RP1L1: variants seen among roughly 807,000 people sequenced by gnomAD.
RP1L1 encodes RP1 like 1.
Under a neutral mutation model 15.7 loss-of-function variants are expected in RP1L1, and 27 were observed. The ratio of observed to expected loss-of-function variants is 1.72; its 90% CI spans 1.27 to 2.38. The LOEUF (loss-of-function observed/expected upper bound fraction) is 2.38. Among genes scored for constraint, RP1L1 ranks in the 30% most tolerant of loss-of-function variants. The pLI, the probability that RP1L1 is intolerant of heterozygous loss-of-function variation, is 0.00. For missense variants in RP1L1, 4,798 were observed against 3,075.9 expected (o/e 1.56, Z -13.24); for synonymous variants, 1,813 against 1,276.7 (o/e 1.42, Z -8.96).
chr8:10,613,535 G>A (rs963986032), intron 3 of RP1L1, among the ~76,000 whole-genome samples, 189 bp from the exon 4 acceptor site: 13 of 150,254 alleles, frequency 8.7e-5, no homozygotes, highest in East Asian at 2.0e-4. Context: ...AGGCCGAGGC[G>A]GGAGGACTGC....
chr8:10,628,129 C>A (rs1049497902), intron 1 of RP1L1, among the ~76,000 whole-genome samples: 3 of 152,194 alleles, frequency 2.0e-5, no homozygotes, highest in Non-Finnish European at 4.4e-5. Context: ...CTGCCAGTAA[C>A]AAGCTGATGG....
chr8:10,607,402 C>T lies in RP1L1; in HGVS notation c.6696G>A (p.Glu2232=). 1 of 1,592,830 alleles carries T rather than the reference C, an allele frequency of 6.3e-7. No individual in the cohort carries two copies. Among genetic ancestry groups the T allele is most frequent in the Non-Finnish European group, 8.6e-7 (1 of 1,167,016 alleles). The change falls in exon 4 of 4, where the codon GAG becomes GAA. Residue 2232 remains glutamate (E), a synonymous_variant. Coordinates refer to ENST00000382483, the MANE Select transcript of RP1L1 (RefSeq NM_178857.6). ...ACTCTGGCTGGGCCTCCCCTTCAGCCTCCGGGGTCTCTACGCCTTCTGGCT... is the reference window on the plus strand; with the variant it reads ...ACTCTGGCTGGGCCTCCCCTTCAGCTTCCGGGGTCTCTACGCCTTCTGGCT... ...QPEPEGVETP[E]AEGEAQPESE...
chr8:10,626,852 T>C (rs757305406), intron 1 of RP1L1, among the ~76,000 whole-genome samples: 1 of 152,170 alleles, frequency 6.6e-6, no homozygotes, highest in Non-Finnish European at 1.5e-5. Context: ...TTCTGGGTGC[T>C]GAGAGCGGCA....
chr8:10,630,630 G>C (rs777202665), intron 1 of RP1L1, among the ~76,000 whole-genome samples: 6 of 152,348 alleles, frequency 3.9e-5, no homozygotes, highest in South Asian at 4.1e-4. Flanking sequence ...GCAGCCTCCT[G>C]CCTGGGCTCT....
At position 10,622,582 on chromosome 8, in the gene RP1L1, C is replaced by T. The variant is rs746241889; in HGVS notation, c.609+11G>A. 4 of 1,614,128 alleles carry T rather than the reference C, an allele frequency of 2.5e-6. No individual in the cohort carries two copies. The highest frequency in any genetic ancestry group is 1.1e-5 in the South Asian group (1 of 91,040). On this transcript the variant is annotated intron_variant, in intron 2 of 3. Coordinates refer to ENST00000382483, the MANE Select transcript of RP1L1 (RefSeq NM_178857.6). ...ACCTTTTCAAGGAACCGTCAGACCC[C>T]AACAGCCTACCTTTTTCCCGCTGGT...
intron 1 of RP1L1, among the ~76,000 whole-genome samples, chr8:10,639,964 A>G (rs1798384036): frequency 1.3e-5 from 2 of 152,340 alleles, no homozygotes; most frequent in South Asian, 4.1e-4. Context: ...TTAATACGAT[A>G]TATGCAATCT....
Position 10,611,469 on chromosome 8 carries a change from G to T in RP1L1, c.2629C>A (p.His877Asn). 1 of 1,569,280 alleles carries T rather than the reference G, an allele frequency of 6.4e-7. No homozygotes were observed. The highest frequency in any genetic ancestry group is 1.1e-5 in the South Asian group (1 of 86,970). Residue 877 changes from histidine (H) to asparagine (N), a missense_variant, in exon 4 of 4, where the codon CAC (histidine) becomes AAC (asparagine). Physicochemically the swap from His to Asn is moderately conservative, Grantham distance 68. Transcript: ENST00000382483. ...CCTGGCCCCCGGGCAGTGCTTTGGT[G>T]GCTGCTGCCGGTGCTCCCACAGCTG... ...SSSCGSTGSS[H>N]QSTARGPGGS...
At chr8:10,617,546 CTTTTTTTTTTTTT>C (rs777209714) in intron 2 of RP1L1, among the ~76,000 whole-genome samples, 1 of 63,418 alleles carries the variant, frequency 1.6e-5, no homozygotes, top group Non-Finnish European at 2.7e-5. Context: ...GTTTCTTTTT[CTTTTTTTTTTTTT>C]TTTTTTTTTT....
chr8:10,607,263 G>C lies in RP1L1; in HGVS notation c.6835C>G (p.Pro2279Ala), dbSNP rs1299299393. ...GTGTCTCCACCTGGGGAAGGGGGTG[G>C]AGTGGGCCTGTCCTCAGGGACTGGG... ...SSPVPEDRPT[P>A]PPSPGGDTPH... Residue 2279 changes from proline (P) to alanine (A), a missense_variant, in exon 4 of 4, where the codon CCA becomes GCA. Coordinates refer to ENST00000382483, the MANE Select transcript of RP1L1 (RefSeq NM_178857.6). The C allele has an allele frequency of 1.9e-6, 3 of 1,614,174 alleles. No individual in the cohort carries two copies. The highest frequency in any genetic ancestry group is 2.5e-6 in the Non-Finnish European group (3 of 1,179,984).
intron 1 of RP1L1, among the ~76,000 whole-genome samples, chr8:10,624,005 C>G (rs1210750893): frequency 6.6e-6 from 1 of 152,122 alleles, no homozygotes; most frequent in African/African-American, 2.4e-5. Flanking sequence ...TCACCATGTC[C>G]CCAGCACCTC....
Position 10,608,535 on chromosome 8 carries a change from C to G in RP1L1, c.5563G>C (p.Glu1855Gln). Residue 1855 changes from glutamate (E) to glutamine (Q), a missense_variant, in exon 4 of 4, where the codon GAG becomes CAG. By Grantham distance (29) the Glu-to-Gln change is conservative. Coordinates refer to ENST00000382483, the MANE Select transcript of RP1L1 (RefSeq NM_178857.6). ...GCCTCCTGGGCATCCCCTTCTGCCT[C>G]TGGGGCCTCTACACCTTCTGACTCT... ...QPESEGVEAP[E>Q]AEGDAQEAEG... The G allele has an allele frequency of 6.2e-7, 1 of 1,601,280 alleles. No homozygotes were observed. The highest frequency in any genetic ancestry group is 8.5e-7 in the Non-Finnish European group (1 of 1,170,616).
rs192266796 is a variant in RP1L1, at chr8:10,615,171, C to G, written c.751+1275G>C. 5.3e-5 allele frequency among the ~76,000 whole-genome samples: 8 copies of G among 152,166 alleles called. 1 individual carries two copies. Among genetic ancestry groups the G allele is most frequent in the Non-Finnish European group, 1.2e-4 (8 of 68,038 alleles). ...ACCCACAGTGATCACCGAGCCTGTC[C>G]CTTGGGCCTCCAGCACCTGACCTAC... On this transcript the variant is annotated intron_variant, in intron 3 of 3. Coordinates refer to ENST00000382483, the MANE Select transcript of RP1L1 (RefSeq NM_178857.6).
At position 10,622,862 on chromosome 8, in the gene RP1L1, T is replaced by C; in HGVS notation, c.340A>G (p.Ser114Gly). 1.2e-6 allele frequency: 2 copies of C among 1,612,858 alleles called. No homozygotes were observed. Among genetic ancestry groups the C allele is most frequent in the East Asian group, 2.2e-5 (1 of 44,830 alleles). Reference protein sequence around the residue: ...CSDKKPPKTPSGPGRPQERNP... With the variant: ...CSDKKPPKTPGGPGRPQERNP... Reference sequence around the variant, plus strand: ...CTCTCCTGTGGCCGGCCTGGTCCACTGGGGGTCTTGGGGGGCTTCTTATCA... The same window carrying C: ...CTCTCCTGTGGCCGGCCTGGTCCACCGGGGGTCTTGGGGGGCTTCTTATCA... The change falls in exon 2 of 4, where the codon AGT becomes GGT. Residue 114 changes from serine to glycine, a missense_variant. Coordinates refer to ENST00000382483, the MANE Select transcript of RP1L1 (RefSeq NM_178857.6).
chr8:10,612,929 C>T lies in RP1L1; in HGVS notation c.1169G>A (p.Gly390Glu), dbSNP rs375552224. 6.8e-6 allele frequency: 11 copies of T among 1,612,990 alleles called. No individual in the cohort carries two copies. The African/African-American group carries it at 8.0e-5, about 12-fold the overall frequency. Residue 390 changes from glycine (G) to glutamate (E), a missense_variant, in exon 4 of 4, where the codon GGA (glycine) becomes GAA (glutamate). Physicochemically the swap from Gly to Glu is moderately conservative, Grantham distance 98. Transcript: ENST00000382483. ...GCCTCGGCCAAAGACTTCCCTGCAT[C>T]CCACCCTGCAGGGCCGGGGTCCCCA... ...GVWGPRPCRV[G>E]CREVFGRGGQ...
intron 1 of RP1L1, among the ~76,000 whole-genome samples, chr8:10,627,839 G>C (rs771780496): frequency 5.9e-5 from 9 of 152,138 alleles, no homozygotes; most frequent in Non-Finnish European, 1.0e-4. Flanking sequence ...AATTCAGATG[G>C]AGAGTAACAG....
chr8:10,623,457 T>C (rs2117228070), intron 1 of RP1L1, among the ~76,000 whole-genome samples: 1 of 152,138 alleles, frequency 6.6e-6, no homozygotes, highest in South Asian at 2.1e-4. Flanking sequence ...TTTGAGGCTG[T>C]CCCCAGCATT....
chr8:10,620,036 T>C (rs767480089), intron 2 of RP1L1, among the ~76,000 whole-genome samples: 2 of 151,580 alleles, frequency 1.3e-5, no homozygotes, highest in African/African-American at 2.4e-5. Flanking sequence ...TACAGTGATA[T>C]GTGCTCTGAA....
intron 1 of RP1L1, among the ~76,000 whole-genome samples, chr8:10,646,818 G>A (rs75072628): frequency 0.021 from 3,163 of 152,312 alleles, 102 homozygotes; most frequent in Admixed American, 0.069. Context: ...TGCTTTCCGC[G>A]GAGAGGCTAT....
Position 10,610,374 on chromosome 8 carries a change from T to G in RP1L1, c.3724A>C (p.Arg1242=), listed in dbSNP as rs1797822134. The change falls in exon 4 of 4, where the codon AGA becomes CGA. Residue 1242 remains arginine (R), a synonymous_variant. Coordinates refer to ENST00000382483, the MANE Select transcript of RP1L1 (RefSeq NM_178857.6). The part of the protein sequence containing the change: ...LKTSNQRPDS[R]TYESPGDLEN... ...AGATCCCCTGGGCTCTCATAAGTTC[T>G]TGAATCAGGCCTCTGGTTGGAGGTT... 1 of 1,614,018 alleles carries G rather than the reference T, an allele frequency of 6.2e-7. No individual in the cohort carries two copies. The highest frequency in any genetic ancestry group is 1.3e-5 in the African/African-American group (1 of 74,940).
Sources: gnomAD v4.1 joint callset for allele counts (sites outside exome capture counted in the v4.1 genomes callset) on GRCh38, gnomAD v4.1.1 for gene constraint, MANE v1.5 for transcripts, NCBI Gene and HGNC (gene_info 2026-07-23, HGNC 2026-07-21) for gene names.